The following TOP3B variants were observed in gnomAD, a reference collection of about 807,000 sequenced individuals.
TOP3B encodes the protein DNA topoisomerase 3-beta-1.
Under a neutral mutation model 93.9 loss-of-function variants are expected in TOP3B, and 45 were observed. That is an observed-to-expected ratio of 0.48 (90% CI 0.38 to 0.61). TOP3B has a LOEUF of 0.61. Among genes scored for constraint, TOP3B ranks in the 20% least tolerant of loss-of-function variants. The probability of loss-of-function intolerance (pLI) is 0.00; values close to 1 mark genes in which losing one functional copy is unlikely to be tolerated. For missense variants in TOP3B, 750 were observed against 1,156.1 expected (o/e 0.65, Z 5.09); for synonymous variants, 357 against 472.6 (o/e 0.76, Z 3.17).
intron 8 of TOP3B, 196 bp from the exon 9 acceptor site, chr22:21,965,571 TA>T (rs1178056738): frequency 2.5e-4 from 97 of 380,998 alleles, no homozygotes; most frequent in South Asian, 6.2e-4. Flanking sequence ...AATTCTTTTT[TA>T]AAAAAAAATT....
chr22:21,968,787 G>A lies in TOP3B; in HGVS notation c.582-12C>T. The A allele has an allele frequency of 2.5e-6, 4 of 1,613,940 alleles. No homozygotes were observed. The highest frequency in any genetic ancestry group is 3.4e-6 in the Non-Finnish European group (4 of 1,179,862). ...ATTTAGTCTGAAACCTGGAGGGAGT[G>A]GAAAGATATTTTGGTCACTGATTCA... On this transcript the variant is annotated splice_polypyrimidine_tract_variant and intron_variant, in intron 6 of 17. Transcript: ENST00000357179.
In TOP3B at chr22:21,964,280, G is replaced by T; in HGVS notation, c.979C>A (p.Arg327=). Residue 327 remains arginine, a synonymous_variant, in exon 10 of 18, where the codon CGG becomes AGG. Coordinates refer to ENST00000357179, the MANE Select transcript of TOP3B (RefSeq NM_001282112.2). ...CTGATGTAGCCTTGCGTGTAGAGCC[G>T]CTCAGCCGTCTGCATGGCGTGCTGC... The part of the protein sequence containing the change: ...GPQHAMQTAE[R]LYTQGYISYP... The T allele has an allele frequency of 1.9e-6, 3 of 1,613,790 alleles. No individual in the cohort carries two copies. Among genetic ancestry groups the T allele is most frequent in the Non-Finnish European group, 2.5e-6 (3 of 1,179,932 alleles).
At chr22:21,959,100 AG>A (rs781164545) in intron 16 of TOP3B, 31 bp downstream of exon 16, 2 of 1,611,802 alleles carry the variant, frequency 1.2e-6, no homozygotes, top group East Asian at 4.5e-5. Flanking sequence ...GGGGTGAGGC[AG>A]CTTGCCTGAG....
At position 21,963,849 on chromosome 22, in the gene TOP3B, G is replaced by A. The variant is rs2071297882; in HGVS notation, c.1204+74C>T. 8 of 1,514,492 alleles carry A rather than the reference G, an allele frequency of 5.3e-6. No homozygotes were observed. The highest frequency in any genetic ancestry group is 4.6e-4 in the Middle Eastern group (2 of 4,356). The allele number at this position is 1,514,492 out of a possible 1,614,324, so 93.8% of individuals were successfully genotyped here. On this transcript the variant is annotated intron_variant, in intron 11 of 17. Transcript: ENST00000357179. This position sits in a 1 kb window ranked among gnomAD's most constrained non-coding sequence, Gnocchi z 4.8. ...GAAGGAGCCCCCACATTGCCAACAG[G>A]GCCTGCAACCTTCACTGTCGCAGCT... is the stretch of plus-strand genomic sequence containing the variant.
intron 1 of TOP3B, among the ~76,000 whole-genome samples, chr22:21,979,427 G>A (rs2145888117): frequency 6.6e-6 from 1 of 152,100 alleles, no homozygotes; most frequent in African/African-American, 2.4e-5. Context: ...AGTCACCTGG[G>A]GAGACTCACA....
rs1569145800 is a variant in TOP3B at position 21,963,595 on chromosome 22, CG to C, written c.1204+327del. The C allele has an allele frequency of 8.6e-6, 3 of 347,736 alleles. No individual in the cohort carries two copies. Among genetic ancestry groups the C allele is most frequent in the Admixed American group, 4.6e-5 (1 of 21,726 alleles). 21.5% of individuals were successfully genotyped at this position (347,736 alleles called of 1,614,324 possible). On this transcript the variant is annotated intron_variant, in intron 11 of 17. Coordinates refer to ENST00000357179, the MANE Select transcript of TOP3B (RefSeq NM_001282112.2). This position sits in a 1 kb window ranked among gnomAD's most constrained non-coding sequence, Gnocchi z 4.8. ...TCCTCATTTGCCTTCTCCTGGCACT[CG>C]GACCACTGGTACCACCTTAGGCCAG...
In TOP3B at chr22:21,975,753, GA is replaced by G. The variant is rs1445189265; in HGVS notation, c.-45del. On this transcript the variant is annotated 5_prime_UTR_variant, in exon 2 of 18. Transcript: ENST00000357179. ...ACTCCAGTTTCGGGGCACTGGCAATGAAAAAGTTTAGACTCCACTCTTCCGC... is the reference window on the plus strand; with the variant it reads ...ACTCCAGTTTCGGGGCACTGGCAATGAAAAGTTTAGACTCCACTCTTCCGC... 6.3e-7 allele frequency: 1 copy of G among 1,583,884 alleles called. No individual in the cohort carries two copies. Among genetic ancestry groups the G allele is most frequent in the Non-Finnish European group, 8.6e-7 (1 of 1,160,916 alleles).
chr22:21,981,066 A>C (rs1192043530), intron 1 of TOP3B, among the ~76,000 whole-genome samples: 1 of 152,212 alleles, frequency 6.6e-6, no homozygotes, highest in African/African-American at 2.4e-5. Flanking sequence ...AACTCGCAGC[A>C]GAGGGGCATT....
In TOP3B at chr22:21,968,129, C is replaced by T. The variant is rs548907531; in HGVS notation, c.739-413G>A. 169 of 255,780 alleles carry T rather than the reference C, an allele frequency of 6.6e-4. 1 individual carries two copies. Among genetic ancestry groups the T allele is most frequent in the African/African-American group, 3.3e-3 (151 of 45,380 alleles). 15.8% of individuals were successfully genotyped at this position (255,780 alleles called of 1,614,324 possible). ...CTAGGCTGGAGTGCAGTGGCACGATCGTAGCTCACTGTAGCCTTGGACTCC... is the reference window on the plus strand; with the variant it reads ...CTAGGCTGGAGTGCAGTGGCACGATTGTAGCTCACTGTAGCCTTGGACTCC... On this transcript the variant is annotated intron_variant, in intron 7 of 17. Transcript: ENST00000357179.
chr22:21,965,258 T>C (rs1232576139), intron 9 of TOP3B, 27 bp downstream of exon 9: 1 of 1,543,854 alleles, frequency 6.5e-7, no homozygotes, highest in Non-Finnish European at 8.8e-7. Context: ...AGCCTTCTGG[T>C]GACTTGAGAG....
chr22:21,959,923 C>G, intron 14 of TOP3B, 187 bp from the exon 15 acceptor site: 1 of 769,914 alleles, frequency 1.3e-6, no homozygotes, highest in Non-Finnish European at 2.0e-6. Context: ...CAGACCTTTC[C>G]TGATTTCCCA....
At position 21,971,505 on chromosome 22, in the gene TOP3B, G is replaced by C. The variant is rs1017537192; in HGVS notation, c.384+372C>G. 2.8e-6 allele frequency: 1 copy of C among 353,842 alleles called. No individual in the cohort carries two copies. The highest frequency in any genetic ancestry group is 2.1e-5 in the African/African-American group (1 of 46,926). 21.9% of individuals were successfully genotyped at this position (353,842 alleles called of 1,614,324 possible). A position where few individuals can be genotyped will look rare whatever the true frequency, so the allele number is the denominator to read the frequency against. ...GCCTGCAAAAGGAGCTCAGTGCTGA[G>C]GTCGGGAATCAACCAGCATCAACCC... is the stretch of plus-strand genomic sequence containing the variant. On this transcript the variant is annotated intron_variant, in intron 5 of 17. Coordinates refer to ENST00000357179, the MANE Select transcript of TOP3B (RefSeq NM_001282112.2). This position sits in a 1 kb window ranked among gnomAD's most constrained non-coding sequence, Gnocchi z 4.6.
Position 21,960,433 on chromosome 22 carries a change from G to A in TOP3B, c.1542C>T (p.Ile514=), listed in dbSNP as rs2071124050. The change falls in exon 14 of 18, where the codon ATC becomes ATT. Residue 514 remains isoleucine, a synonymous_variant. Coordinates refer to ENST00000357179, the MANE Select transcript of TOP3B (RefSeq NM_001282112.2). The stretch of plus-strand genomic sequence containing the variant: ...GGCAGATGTTGTTGATATGCACAGG[G>A]ATGCTGGCATCCGTGCCTGCAATGT... ...EKHGIGTDAS[I]PVHINNICQR... 1 of 1,613,446 alleles carries A rather than the reference G, an allele frequency of 6.2e-7. No homozygotes were observed.
intron 15 of TOP3B, 161 bp from the exon 16 acceptor site, chr22:21,959,393 G>A (rs1160214089): frequency 8.8e-6 from 13 of 1,483,116 alleles, no homozygotes; most frequent in African/African-American, 1.4e-5. Flanking sequence ...TCAGAGGCAC[G>A]TGTTCCTGGC....
At position 21,970,933 on chromosome 22, in the gene TOP3B, G is replaced by T; in HGVS notation, c.385-527C>A. The T allele has an allele frequency of 9.2e-7, 1 of 1,090,980 alleles. No homozygotes were observed. 67.6% of individuals were successfully genotyped at this position (1,090,980 alleles called of 1,614,324 possible). On this transcript the variant is annotated intron_variant, in intron 5 of 17. Transcript: ENST00000357179. The surrounding 1 kb of genome is among the most constrained non-coding windows in gnomAD (Gnocchi z 4.4). ...ACGGGTGGTCCTAGCTTGTGGTGGG[G>T]GCAGCTCGGGCTAAAGCACAGCAGG...
At position 21,962,612 on chromosome 22, in the gene TOP3B, T is replaced by C. The variant is rs201634829; in HGVS notation, c.1352-10A>G. The C allele has an allele frequency of 3.1e-6, 5 of 1,608,600 alleles. No individual in the cohort carries two copies. Among genetic ancestry groups the C allele is most frequent in the Middle Eastern group, 1.7e-4 (1 of 6,048 alleles). ...ATGACCTCCGTGAAGCCTGGAGAGA[T>C]ATGCGCCGCCACTCAGGGTCCCCAG... On this transcript the variant is annotated splice_polypyrimidine_tract_variant and intron_variant, in intron 12 of 17. Transcript: ENST00000357179.
Position 21,967,939 on chromosome 22 carries a change from G to T in TOP3B, c.739-223C>A, listed in dbSNP as rs1225763290. 7 of 533,996 alleles carry T rather than the reference G, an allele frequency of 1.3e-5. No individual in the cohort carries two copies. The African/African-American group carries it at 1.3e-4, about 10-fold the overall frequency. 33.1% of individuals were successfully genotyped at this position (533,996 alleles called of 1,614,324 possible). Reference sequence around the variant, plus strand: ...ACCAGGCAGCCAGTCTCAGGAAGGTGGCCCAAAGCTGAGGCTGATGTGTCC... The same window carrying T: ...ACCAGGCAGCCAGTCTCAGGAAGGTTGCCCAAAGCTGAGGCTGATGTGTCC... On this transcript the variant is annotated intron_variant, in intron 7 of 17. Coordinates refer to ENST00000357179, the MANE Select transcript of TOP3B (RefSeq NM_001282112.2).
chr22:21,970,717 C>A lies in TOP3B; in HGVS notation c.385-311G>T. The A allele has an allele frequency of 2.5e-6, 1 of 399,210 alleles. No individual in the cohort carries two copies. The allele number at this position is 399,210 out of a possible 1,614,324, so 24.7% of individuals were successfully genotyped here. A position where few individuals can be genotyped will look rare whatever the true frequency, so the allele number is the denominator to read the frequency against. On this transcript the variant is annotated intron_variant, in intron 5 of 17. Coordinates refer to ENST00000357179, the MANE Select transcript of TOP3B (RefSeq NM_001282112.2). This position sits in a 1 kb window ranked among gnomAD's most constrained non-coding sequence, Gnocchi z 4.4. ...TCTAATCCTCTGCTTTCATCCCCAC[C>A]AAATCAGGAAATGCTACTGCCAAGT... is the stretch of plus-strand genomic sequence containing the variant.
intron 3 of TOP3B, 122 bp downstream of exon 3, chr22:21,974,235 G>T (rs2071764332): frequency 2.4e-6 from 3 of 1,256,916 alleles, no homozygotes; most frequent in Non-Finnish European, 3.3e-6. Context: ...TGATCTGCTG[G>T]CCTTATGACT....
Sources: allele counts gnomAD v4.1 joint callset (sites outside exome capture counted in the v4.1 genomes callset), GRCh38; gene constraint gnomAD v4.1.1; non-coding constraint Gnocchi (gnomAD v3.1); transcripts MANE v1.5; gene names NCBI Gene and HGNC (gene_info 2026-07-23, HGNC 2026-07-21).